Variants in SLC16A7 observed in about 807,000 individuals in gnomAD.
SLC16A7 encodes solute carrier family 16 member 7.
Under a neutral mutation model 34.9 loss-of-function variants are expected in SLC16A7, and 33 were observed. The observed-to-expected ratio is 0.94, with a 90% CI of 0.72 to 1.26. The LOEUF (loss-of-function observed/expected upper bound fraction) is 1.26. Ranked by LOEUF, SLC16A7 falls within the 50% of genes most tolerant of loss-of-function variation. The pLI, the probability that SLC16A7 is intolerant of heterozygous loss-of-function variation, is 0.00. For missense variants in SLC16A7, 573 were observed against 578.1 expected (o/e 0.99, Z 0.09); for synonymous variants, 201 against 206.6 (o/e 0.97, Z 0.23).
chr12:59,716,429 A>G (rs946093337), intron 3 of SLC16A7, among the ~76,000 whole-genome samples: 2 of 152,228 alleles, frequency 1.3e-5, no homozygotes, highest in Non-Finnish European at 2.9e-5. Context: ...AAATCTGGGT[A>G]GTGAACAAAG....
chr12:59,766,542 G>C (rs996963283), intron 3 of SLC16A7, among the ~76,000 whole-genome samples: 10 of 152,238 alleles, frequency 6.6e-5, no homozygotes, highest in South Asian at 4.2e-4. Flanking sequence ...TAGCATGAAG[G>C]ATTGTTGAAT....
chr12:59,771,679 A>G (rs1460722393), intron 4 of SLC16A7, among the ~76,000 whole-genome samples: 1 of 152,116 alleles, frequency 6.6e-6, no homozygotes, highest in African/African-American at 2.4e-5. Context: ...TTGGACACAG[A>G]CTTTCTGATG....
chr12:59,771,311 T>A lies in SLC16A7; in HGVS notation c.310T>A (p.Ser104Thr). Residue 104 changes from serine (S) to threonine (T), a missense_variant, in exon 4 of 6, where the codon TCC becomes ACC. Ser to Thr is a moderately conservative substitution (Grantham distance 58). Transcript: ENST00000547379. ...LLCCLGMVLA[S>T]FSSSVVQLYL... ...ATGCTGTCTTGGAATGGTGTTGGCC[T>A]CCTTTAGTAGCAGCGTGGTACAGCT... The A allele has an allele frequency of 2.5e-6, 4 of 1,612,858 alleles. No homozygotes were observed. The highest frequency in any genetic ancestry group is 3.4e-6 in the Non-Finnish European group (4 of 1,179,290).
intron 2 of SLC16A7, among the ~76,000 whole-genome samples, chr12:59,683,709 T>A (rs17122849): frequency 0.071 from 10,821 of 152,136 alleles, 428 homozygotes; most frequent in Middle Eastern, 0.17. Flanking sequence ...GGAACACACC[T>A]TGAATAAAAG....
chr12:59,659,601 C>A (rs1216731256), intron 2 of SLC16A7, among the ~76,000 whole-genome samples: 7 of 151,982 alleles, frequency 4.6e-5, no homozygotes, highest in African/African-American at 7.2e-5. Context: ...ATTCAGCTAG[C>A]CCCTTTGATT....
At chr12:59,753,468 A>G (rs1175772868) in intron 3 of SLC16A7, among the ~76,000 whole-genome samples, 1 of 152,210 alleles carries the variant, frequency 6.6e-6, no homozygotes, top group Non-Finnish European at 1.5e-5. Context: ...AGACTCTGAT[A>G]AAACAGACTT....
At chr12:59,635,863 T>C (rs1260540725) in intron 1 of SLC16A7, among the ~76,000 whole-genome samples, 3 of 152,022 alleles carry the variant, frequency 2.0e-5, no homozygotes, top group Admixed American at 6.6e-5. Context: ...GTTCTTTATG[T>C]ATGTTAATAA....
At chr12:59,758,278 G>A (rs182154071) in intron 3 of SLC16A7, among the ~76,000 whole-genome samples, 2 of 151,984 alleles carry the variant, frequency 1.3e-5, no homozygotes, top group Non-Finnish European at 2.9e-5. Flanking sequence ...TTTTCAGAAA[G>A]ATTTTAGAAA....
At chr12:59,751,286 C>T (rs1039205093) in intron 3 of SLC16A7, among the ~76,000 whole-genome samples, 8 of 152,278 alleles carry the variant, frequency 5.3e-5, no homozygotes, top group South Asian at 4.1e-4. Flanking sequence ...GTGTGCGAGC[C>T]GAAGCAGGGC....
At chr12:59,734,029 A>G in intron 3 of SLC16A7, 1 of 341,440 alleles carries the variant, frequency 2.9e-6, no homozygotes, top group Non-Finnish European at 5.8e-6. Context: ...AAGCTCCATA[A>G]GTTCTCACTT....
intron 3 of SLC16A7, chr12:59,733,927 G>A: frequency 2.3e-6 from 1 of 428,310 alleles, no homozygotes; most frequent in South Asian, 1.7e-5. Flanking sequence ...TGACGTCTGT[G>A]TGAGTCTGGC....
At chr12:59,688,889 C>T (rs1357755879) in intron 2 of SLC16A7, among the ~76,000 whole-genome samples, 1 of 151,746 alleles carries the variant, frequency 6.6e-6, no homozygotes, top group East Asian at 1.9e-4. Context: ...AAAATTAGGG[C>T]AAATAAGTAA....
chr12:59,640,370 G>A (rs181838930), intron 1 of SLC16A7, among the ~76,000 whole-genome samples: 8 of 152,070 alleles, frequency 5.3e-5, no homozygotes, highest in Non-Finnish European at 8.8e-5. Context: ...TTAAATTTTG[G>A]TGAATGTCCC....
At chr12:59,701,215 T>A (rs866296818) in intron 2 of SLC16A7, among the ~76,000 whole-genome samples, 1 of 150,926 alleles carries the variant, frequency 6.6e-6, no homozygotes, top group South Asian at 2.1e-4. Context: ...TTACATGTAG[T>A]CTTCTGTCAA....
At chr12:59,682,973 G>A (rs1434031174) in intron 2 of SLC16A7, among the ~76,000 whole-genome samples, 1 of 152,108 alleles carries the variant, frequency 6.6e-6, no homozygotes, top group Non-Finnish European at 1.5e-5. Context: ...GGCTGAGGCA[G>A]GAGAATCACT....
intron 2 of SLC16A7, among the ~76,000 whole-genome samples, chr12:59,660,196 A>C (rs1370101826): frequency 6.6e-6 from 1 of 151,948 alleles, no homozygotes; most frequent in Non-Finnish European, 1.5e-5. Flanking sequence ...CTACATCATA[A>C]TAGTAATAAC....
At chr12:59,753,878 T>C (rs1406659099) in intron 3 of SLC16A7, among the ~76,000 whole-genome samples, 2 of 152,092 alleles carry the variant, frequency 1.3e-5, no homozygotes, top group Non-Finnish European at 2.9e-5. Context: ...TCAGCAAATG[T>C]AAAAGATCAG....
intron 2 of SLC16A7, among the ~76,000 whole-genome samples, chr12:59,667,552 A>T (rs1869305892): frequency 6.6e-6 from 1 of 152,194 alleles, no homozygotes; most frequent in Non-Finnish European, 1.5e-5. Context: ...TTTGATCTTG[A>T]GAGAGATTAG....
intron 1 of SLC16A7, among the ~76,000 whole-genome samples, chr12:59,603,604 A>C (rs147756984): frequency 6.6e-6 from 1 of 152,304 alleles, no homozygotes; most frequent in African/African-American, 2.4e-5. Context: ...TTTCAGGAAC[A>C]TTATGTTTAT....
Sources: gnomAD v4.1 joint callset for allele counts (sites outside exome capture counted in the v4.1 genomes callset) on GRCh38, gnomAD v4.1.1 for gene constraint, MANE v1.5 for transcripts, NCBI Gene and HGNC (gene_info 2026-07-23, HGNC 2026-07-21) for gene names.